Variants in FHIT observed in about 807,000 individuals in gnomAD.
The protein encoded by FHIT is bis(5'-adenosyl)-triphosphatase.
Under a neutral mutation model 17.9 loss-of-function variants are expected in FHIT, and 19 were observed. That is an observed-to-expected ratio of 1.06 (90% CI 0.74 to 1.56). The LOEUF is 1.56. Ranked by LOEUF, FHIT falls within the 40% of genes most tolerant of loss-of-function variation. The pLI is 0.00. For missense variants in FHIT, 248 were observed against 189.2 expected, an observed-to-expected ratio of 1.31 and a Z score of -1.82; for synonymous variants, 81 against 69.7, an observed-to-expected ratio of 1.16 and a Z score of -0.81.
intron 5 of FHIT, among the ~76,000 whole-genome samples, chr3:60,434,264 A>G (rs1244152326): frequency 6.6e-6 from 1 of 152,122 alleles, no homozygotes; most frequent in African/African-American, 2.4e-5. Flanking sequence ...TAGAAAATAA[A>G]TATTTTCTCT....
intron 4 of FHIT, among the ~76,000 whole-genome samples, chr3:60,578,163 G>T (rs912067646): frequency 6.6e-6 from 1 of 152,150 alleles, no homozygotes; most frequent in African/African-American, 2.4e-5. Context: ...TTAGTGCCCA[G>T]TGTGGTGGCT....
intron 5 of FHIT, among the ~76,000 whole-genome samples, chr3:60,113,085 G>A (rs548854450): frequency 6.6e-6 from 1 of 152,240 alleles, no homozygotes; most frequent in South Asian, 2.1e-4. Context: ...CTCTTCTCCT[G>A]ACCCATGAAT....
intron 7 of FHIT, among the ~76,000 whole-genome samples, chr3:59,968,862 G>A (rs552421978): frequency 6.6e-6 from 1 of 152,292 alleles, no homozygotes; most frequent in African/African-American, 2.4e-5. Flanking sequence ...TTTGCTGCCA[G>A]ATTTCTGGGA....
At chr3:60,062,348 C>G (rs1198824354) in intron 5 of FHIT, among the ~76,000 whole-genome samples, 4 of 152,116 alleles carry the variant, frequency 2.6e-5, no homozygotes, top group East Asian at 1.9e-4. Flanking sequence ...ATGATAATGA[C>G]AATGAGGGTG....
chr3:60,996,871 T>C (rs1654466287), intron 3 of FHIT, among the ~76,000 whole-genome samples: 1 of 152,372 alleles, frequency 6.6e-6, no homozygotes, highest in African/African-American at 2.4e-5. Context: ...AAAAATATGT[T>C]TGGCATATGC....
chr3:60,358,683 A>G (rs1417522222), intron 5 of FHIT, among the ~76,000 whole-genome samples: 1 of 152,222 alleles, frequency 6.6e-6, no homozygotes, highest in Non-Finnish European at 1.5e-5. Flanking sequence ...TGGTAGGTCT[A>G]TACTTTCTAG....
intron 5 of FHIT, among the ~76,000 whole-genome samples, chr3:60,311,324 T>C (rs948917524): frequency 2.6e-5 from 4 of 152,104 alleles, no homozygotes; most frequent in Admixed American, 6.6e-5. Context: ...TGCTGTGTCC[T>C]TGAGTTTAGA....
At position 60,694,187 on chromosome 3, in the gene FHIT, C is replaced by A. The variant is rs572511598; in HGVS notation, c.-18+127732G>T. Among the ~76,000 whole-genome samples the A allele has an allele frequency of 5.8e-4, 89 of 152,162 alleles. 2 individuals are homozygous for A. In the South Asian group the frequency reaches 0.017, roughly 30 times the overall value. Reference sequence around the variant, plus strand: ...TGGGTAAGGAACAGTAAGATGCTGACCTTTACTGTTTTCTCTGGGCATGAT... The same window carrying A: ...TGGGTAAGGAACAGTAAGATGCTGAACTTTACTGTTTTCTCTGGGCATGAT... On this transcript the variant is annotated intron_variant, in intron 4 of 9. Coordinates refer to ENST00000492590, the MANE Select transcript of FHIT (RefSeq NM_002012.4).
At chr3:61,203,721 T>A (rs577061821) in intron 1 of FHIT, among the ~76,000 whole-genome samples, 2 of 152,178 alleles carry the variant, frequency 1.3e-5, no homozygotes, top group Non-Finnish European at 2.9e-5. Context: ...CACAATCATA[T>A]GGAATAAAGA....
chr3:60,057,661 T>G (rs1275049447), intron 5 of FHIT, among the ~76,000 whole-genome samples: 1 of 151,568 alleles, frequency 6.6e-6, no homozygotes, highest in African/African-American at 2.4e-5. Context: ...TTAACTGAGT[T>G]CCTTCCTCAG....
At chr3:60,871,630 C>G (rs150965951) in intron 3 of FHIT, among the ~76,000 whole-genome samples, 3 of 152,002 alleles carry the variant, frequency 2.0e-5, no homozygotes, top group Admixed American at 6.6e-5. Context: ...AAATGTCTGA[C>G]TGTATTTGTT....
intron 4 of FHIT, among the ~76,000 whole-genome samples, chr3:60,542,007 T>C (rs1448587927): frequency 6.6e-6 from 1 of 152,168 alleles, no homozygotes; most frequent in Non-Finnish European, 1.5e-5. Flanking sequence ...CCACAGAAAT[T>C]CACTTTTTCA....
At chr3:59,787,481 AACAC>A (rs58100812) in intron 8 of FHIT, among the ~76,000 whole-genome samples, 4,786 of 142,434 alleles carry the variant, frequency 0.034, 138 homozygotes, top group East Asian at 0.12. Context: ...CAAGGGGCAA[AACAC>A]ACACACACAC....
chr3:60,333,796 C>G (rs1710105998), intron 5 of FHIT, among the ~76,000 whole-genome samples: 1 of 152,152 alleles, frequency 6.6e-6, no homozygotes, highest in Non-Finnish European at 1.5e-5. Flanking sequence ...AAGAAACCAA[C>G]CGTCAGGCCT....
chr3:60,307,657 T>C (rs1316411979), intron 5 of FHIT, among the ~76,000 whole-genome samples: 1 of 152,176 alleles, frequency 6.6e-6, no homozygotes, highest in Non-Finnish European at 1.5e-5. Context: ...ATTGCATTGT[T>C]GTTTTGTTCC....
At chr3:60,862,073 C>A (rs1703937003) in intron 3 of FHIT, among the ~76,000 whole-genome samples, 1 of 152,100 alleles carries the variant, frequency 6.6e-6, no homozygotes, top group Non-Finnish European at 1.5e-5. Flanking sequence ...GAATATCTAC[C>A]ATGAGATAAG....
chr3:60,065,175 T>C (rs745648398), intron 5 of FHIT, among the ~76,000 whole-genome samples: 1 of 152,022 alleles, frequency 6.6e-6, no homozygotes, highest in Non-Finnish European at 1.5e-5. Flanking sequence ...ATCATGAAAA[T>C]ATGCGTATTA....
intron 3 of FHIT, among the ~76,000 whole-genome samples, chr3:61,019,785 A>T (rs1246279302): frequency 6.6e-6 from 1 of 152,212 alleles, no homozygotes; most frequent in African/African-American, 2.4e-5. Flanking sequence ...TTCTTGTTCT[A>T]TTCAAGTCAG....
chr3:61,010,190 A>C (rs1477445732), intron 3 of FHIT, among the ~76,000 whole-genome samples: 2 of 151,734 alleles, frequency 1.3e-5, no homozygotes, highest in Non-Finnish European at 2.9e-5. Flanking sequence ...GCATTCCTAC[A>C]CTTGATTACC....
Sources: gnomAD v4.1 joint callset for allele counts (sites outside exome capture counted in the v4.1 genomes callset) on GRCh38, gnomAD v4.1.1 for gene constraint, MANE v1.5 for transcripts, NCBI Gene and HGNC (gene_info 2026-07-23, HGNC 2026-07-21) for gene names.